Variants in PPP2R2C observed in about 807,000 individuals in gnomAD.
The protein encoded by PPP2R2C is protein phosphatase 2 regulatory subunit Bgamma, also known as protein phosphatase 2, regulatory subunit B, gamma.
PPP2R2C carries 10 observed loss-of-function variants against 45.3 expected under a neutral mutation model. The observed-to-expected ratio is 0.22, with a 90% CI of 0.14 to 0.37. The LOEUF (loss-of-function observed/expected upper bound fraction) is 0.37. Among genes scored for constraint, PPP2R2C ranks in the 10% least tolerant of loss-of-function variants. The pLI, the probability that PPP2R2C is intolerant of heterozygous loss-of-function variation, is 1.00. For synonymous variants in PPP2R2C, 257 were observed against 245.4 expected, an observed-to-expected ratio of 1.05 and a Z score of -0.44; for missense variants, 308 against 619.7, an observed-to-expected ratio of 0.50 and a Z score of 5.34.
At chr4:6,546,044 A>G (rs1724970211) in intron 1 of PPP2R2C, among the ~76,000 whole-genome samples, 1 of 152,228 alleles carries the variant, frequency 6.6e-6, no homozygotes, top group South Asian at 2.1e-4. Flanking sequence ...CACAGAATCA[A>G]CACGTGGCTA....
intron 1 of PPP2R2C, among the ~76,000 whole-genome samples, chr4:6,414,528 G>C (rs1002336172): frequency 3.3e-5 from 5 of 152,004 alleles, no homozygotes; most frequent in African/African-American, 1.2e-4. Context: ...ACAACAACTG[G>C]TCACTCAGGA....
chr4:6,442,426 C>T lies in PPP2R2C; in HGVS notation c.70+29734G>A, dbSNP rs757071334. ...GAGAAGGGAAAACTGCCCTTGGCCACGTGCTTCAGTCCGTGGGGCCACCAA... is the reference window on the plus strand; with the variant it reads ...GAGAAGGGAAAACTGCCCTTGGCCATGTGCTTCAGTCCGTGGGGCCACCAA... On this transcript the variant is annotated intron_variant, in intron 1 of 8. Coordinates refer to ENST00000382599, the MANE Select transcript of PPP2R2C (RefSeq NM_020416.4). 6.6e-5 allele frequency among the ~76,000 whole-genome samples: 10 copies of T among 152,344 alleles called. No individual in the cohort carries two copies. In the East Asian group the frequency reaches 7.7e-4, roughly 12 times the overall value.
At chr4:6,375,349 G>A (rs910629106) in intron 4 of PPP2R2C, among the ~76,000 whole-genome samples, 2 of 152,150 alleles carry the variant, frequency 1.3e-5, no homozygotes, top group African/African-American at 4.8e-5. Context: ...TCTGTTTCAG[G>A]CCTTTGTAGA....
rs751660795 is a variant in PPP2R2C, at chr4:6,324,983, G to A, written c.1053-1390C>T. Among the ~76,000 whole-genome samples, 31 of 152,196 alleles carry A rather than the reference G, an allele frequency of 2.0e-4. No individual in the cohort carries two copies. The highest frequency in any genetic ancestry group is 4.1e-4 in the South Asian group (2 of 4,824). On this transcript the variant is annotated intron_variant, in intron 8 of 8. Coordinates refer to ENST00000382599, the MANE Select transcript of PPP2R2C (RefSeq NM_020416.4). This position sits in a 1 kb window ranked among gnomAD's most constrained non-coding sequence, Gnocchi z 4.1. ...GAGGAAATCCTGTTTCCTTTTGGAA[G>A]CTGAGCTGGGCTTCCTGAGGGTGAC...
chr4:6,527,891 C>T (rs1215759422), intron 2 of PPP2R2C, among the ~76,000 whole-genome samples: 1 of 152,140 alleles, frequency 6.6e-6, no homozygotes, highest in Non-Finnish European at 1.5e-5. Context: ...GGAGAGCGGG[C>T]AGCTGAGAAC....
At position 6,466,511 on chromosome 4, in the gene PPP2R2C, G is replaced by A. The variant is rs1048819813; in HGVS notation, c.70+5649C>T. ...AAATTGTTGATACAGACAGATTACA[G>A]TTTTCATTAAAAACAGACATGGGCA... On this transcript the variant is annotated intron_variant, in intron 1 of 8. Transcript: ENST00000382599. Among the ~76,000 whole-genome samples the A allele has an allele frequency of 5.9e-5, 9 of 152,202 alleles. No homozygotes were observed. The South Asian group carries it at 1.2e-3, about 21-fold the overall frequency.
intron 5 of PPP2R2C, chr4:6,351,010 A>C (rs1272733514): frequency 1.0e-6 from 1 of 985,396 alleles, no homozygotes; most frequent in South Asian, 4.7e-5. Flanking sequence ...AGAACTTTTC[A>C]AAGTATGTAG....
rs764458773 is a variant in PPP2R2C at position 6,368,836 on chromosome 4, C to A, written c.625+3687G>T. 1.3e-5 allele frequency among the ~76,000 whole-genome samples: 2 copies of A among 152,188 alleles called. No individual in the cohort carries two copies. Among genetic ancestry groups the A allele is most frequent in the Admixed American group, 1.3e-4 (2 of 15,272 alleles). On this transcript the variant is annotated intron_variant, in intron 5 of 8. Coordinates refer to ENST00000382599, the MANE Select transcript of PPP2R2C (RefSeq NM_020416.4). This position sits in a 1 kb window ranked among gnomAD's most constrained non-coding sequence, Gnocchi z 4.2. ...GAATCCAATCCACCCACGACACACA[C>A]CCACGACATACACACCTCCAAAGCT...
chr4:6,495,064 C>T (rs368673294), intron 2 of PPP2R2C, among the ~76,000 whole-genome samples: 2 of 152,324 alleles, frequency 1.3e-5, no homozygotes, highest in East Asian at 1.9e-4. Context: ...CCTGCCAACA[C>T]CCCATCCCAC....
chr4:6,428,485 T>C (rs1719452326), intron 1 of PPP2R2C, among the ~76,000 whole-genome samples: 1 of 152,226 alleles, frequency 6.6e-6, no homozygotes, highest in Non-Finnish European at 1.5e-5. Context: ...TGGTTCTTTT[T>C]AGAGGGACAG....
chr4:6,554,940 A>G (rs1319463762), intron 1 of PPP2R2C, among the ~76,000 whole-genome samples: 1 of 113,930 alleles, frequency 8.8e-6, no homozygotes, highest in East Asian at 2.5e-4. Flanking sequence ...GGAAAGAAAG[A>G]AAGAAAGAAA....
At chr4:6,542,228 T>C (rs34596014) in intron 1 of PPP2R2C, among the ~76,000 whole-genome samples, 29,521 of 152,176 alleles carry the variant, frequency 0.19, 3,026 homozygotes, top group Non-Finnish European at 0.23. Context: ...AAACAAGGCA[T>C]GCCGCAGACA....
intron 2 of PPP2R2C, among the ~76,000 whole-genome samples, chr4:6,507,277 G>T (rs185867550): frequency 1.8e-3 from 267 of 152,304 alleles, no homozygotes; most frequent in Non-Finnish European, 2.1e-3. Context: ...AAACTAAAAG[G>T]TTTGGCCTGG....
chr4:6,389,643 G>C (rs1286038715), intron 1 of PPP2R2C, among the ~76,000 whole-genome samples: 1 of 152,204 alleles, frequency 6.6e-6, no homozygotes, highest in Non-Finnish European at 1.5e-5. Flanking sequence ...TCCAGGTCCA[G>C]CGGGGTGACG....
At position 6,346,549 on chromosome 4, in the gene PPP2R2C, G is replaced by A. The variant is rs148067143; in HGVS notation, c.790+1297C>T. On this transcript the variant is annotated intron_variant, in intron 6 of 8. Transcript: ENST00000382599. ...GTCTCCCCCGCAGACGCCAGCTCCC[G>A]ACGGTGGGCCTCTGCTGCACACCCA... 3.9e-3 allele frequency among the ~76,000 whole-genome samples: 589 copies of A among 152,314 alleles called. 7 individuals carry two copies. Among genetic ancestry groups the A allele is most frequent in the Non-Finnish European group, 5.1e-3 (348 of 68,028 alleles).
chr4:6,449,228 G>A lies in PPP2R2C; in HGVS notation c.70+22932C>T, dbSNP rs187512732. ...GTGAATTCGCAGCACCGTGCGAAAC[G>A]GGAAAAAAACAAAACTAGACACAAC... On this transcript the variant is annotated intron_variant, in intron 1 of 8. Transcript: ENST00000382599. 1.7e-3 allele frequency among the ~76,000 whole-genome samples: 256 copies of A among 152,240 alleles called. 1 individual carries two copies. Among genetic ancestry groups the A allele is most frequent in the African/African-American group, 5.9e-3 (245 of 41,534 alleles).
At chr4:6,530,071 G>A (rs943141985) in intron 2 of PPP2R2C, among the ~76,000 whole-genome samples, 12 of 152,088 alleles carry the variant, frequency 7.9e-5, no homozygotes, top group African/African-American at 2.7e-4. Context: ...AAGGCACCAC[G>A]CCTGCTTTAC....
In PPP2R2C at chr4:6,381,047, C is replaced by T. The variant is rs1389426870; in HGVS notation, c.118G>A (p.Ala40Thr). ...VEFNHTGELL[A>T]TGDKGGRVVI... ...ACCCGGCCGCCCTTGTCACCTGTGG[C>T]CAGCAGCTCTCCCGTGTGGTTGAAC... is the stretch of plus-strand genomic sequence containing the variant. The change falls in exon 2 of 9, where the codon GCC (alanine) becomes ACC (threonine). Residue 40 changes from alanine to threonine, a missense_variant. Ala to Thr is a moderately conservative substitution (Grantham distance 58). Transcript: ENST00000382599. The T allele has an allele frequency of 6.3e-7, 1 of 1,582,026 alleles. No homozygotes were observed. Among genetic ancestry groups the T allele is most frequent in the East Asian group, 2.3e-5 (1 of 44,374 alleles).
chr4:6,520,472 G>A (rs960174403), intron 2 of PPP2R2C, among the ~76,000 whole-genome samples: 1 of 152,200 alleles, frequency 6.6e-6, no homozygotes, highest in African/African-American at 2.4e-5. Context: ...TGTCAATACT[G>A]TCAGGGTGAC....
Sources: gnomAD v4.1 joint callset for allele counts (sites outside exome capture counted in the v4.1 genomes callset) on GRCh38, gnomAD v4.1.1 for gene constraint, Gnocchi (gnomAD v3.1) non-coding constraint, MANE v1.5 for transcripts, NCBI Gene and HGNC (gene_info 2026-07-23, HGNC 2026-07-21) for gene names.